The following CCSER1 variants were observed in gnomAD, a reference collection of about 807,000 sequenced individuals.
CCSER1 encodes the protein serine-rich coiled-coil domain-containing protein 1.
CCSER1 carries 41 observed loss-of-function variants against 82.0 expected under a neutral mutation model. The observed-to-expected ratio is 0.50, with a 90% CI of 0.39 to 0.65. CCSER1 has a LOEUF of 0.65. Ranked by LOEUF, CCSER1 falls within the 30% of genes least tolerant of loss-of-function variation. The probability of loss-of-function intolerance (pLI) is 0.00; values close to 1 mark genes in which losing one functional copy is unlikely to be tolerated. For missense variants in CCSER1, 1,119 were observed against 1,064.2 expected (o/e 1.05, Z -0.72); for synonymous variants, 414 against 383.9 (o/e 1.08, Z -0.92).
chr4:90,992,788 CT>C (rs1737155173), intron 9 of CCSER1, among the ~76,000 whole-genome samples: 1 of 151,910 alleles, frequency 6.6e-6, no homozygotes, highest in Non-Finnish European at 1.5e-5. Context: ...TGACTCTTTG[CT>C]TTCCCAAAGT....
At chr4:91,558,189 T>G (rs1328938249) in intron 10 of CCSER1, among the ~76,000 whole-genome samples, 1 of 151,478 alleles carries the variant, frequency 6.6e-6, no homozygotes, top group African/African-American at 2.4e-5. Context: ...AAAAGTTGTC[T>G]TATCCAAAGG....
intron 10 of CCSER1, among the ~76,000 whole-genome samples, chr4:91,533,492 A>G (rs1006186761): frequency 2.6e-5 from 4 of 152,190 alleles, no homozygotes; most frequent in Non-Finnish European, 5.9e-5. Context: ...ACGGTAGTTG[A>G]AATATGGATA....
chr4:91,048,225 A>G (rs1742682541), intron 9 of CCSER1, among the ~76,000 whole-genome samples: 1 of 151,978 alleles, frequency 6.6e-6, no homozygotes, highest in African/African-American at 2.4e-5. Context: ...ATACTATTTT[A>G]TGTATGAAAT....
At chr4:90,268,788 G>C (rs576432513) in intron 1 of CCSER1, among the ~76,000 whole-genome samples, 1 of 152,006 alleles carries the variant, frequency 6.6e-6, no homozygotes, top group African/African-American at 2.4e-5. Flanking sequence ...CAAACGATCT[G>C]TTGCCTACAA....
At chr4:90,155,754 C>T (rs1342661703) in intron 1 of CCSER1, among the ~76,000 whole-genome samples, 3 of 151,788 alleles carry the variant, frequency 2.0e-5, no homozygotes, top group Non-Finnish European at 2.9e-5. Context: ...TTATTTGATT[C>T]TTCTCTTTTT....
At chr4:90,377,274 G>T (rs1051100799) in intron 3 of CCSER1, among the ~76,000 whole-genome samples, 1 of 152,102 alleles carries the variant, frequency 6.6e-6, no homozygotes, top group Non-Finnish European at 1.5e-5. Context: ...TTAATGTGTT[G>T]TTAAAGCTAA....
chr4:90,724,688 G>GA (rs545845144), intron 7 of CCSER1: 9 of 355,798 alleles, frequency 2.5e-5, no homozygotes, highest in Middle Eastern at 4.2e-4. Context: ...AGAGCCTGAG[G>GA]AAAAAAACTT....
At chr4:91,378,930 T>C (rs1750654454) in intron 10 of CCSER1, among the ~76,000 whole-genome samples, 3 of 152,204 alleles carry the variant, frequency 2.0e-5, no homozygotes, top group Non-Finnish European at 4.4e-5. Flanking sequence ...GTCCCATCAA[T>C]ACCTAATTTA....
rs1240583017 is a variant in CCSER1, at chr4:91,013,546, A to AT, written c.2173-72403dup. ...TCTTTCTCAAGACATATATATATAT[A>AT]TATTTTTTTGCTAGTCTGTCTGTTT... On this transcript the variant is annotated intron_variant, in intron 9 of 10. Transcript: ENST00000509176. Among the ~76,000 whole-genome samples, 109 of 120,340 alleles carry AT rather than the reference A, an allele frequency of 9.1e-4. 10 individuals are homozygous for AT. The South Asian group carries it at 0.011, about 12-fold the overall frequency. The allele number at this position is 120,340 out of a possible 152,430, so 78.9% of individuals were successfully genotyped here. A position where few individuals can be genotyped will look rare whatever the true frequency, so the allele number is the denominator to read the frequency against.
At chr4:90,907,133 C>G (rs528171673) in intron 8 of CCSER1, among the ~76,000 whole-genome samples, 2 of 152,178 alleles carry the variant, frequency 1.3e-5, no homozygotes, top group South Asian at 4.2e-4. Flanking sequence ...AGACCTTTAC[C>G]ACAGGGCAAG....
intron 4 of CCSER1, among the ~76,000 whole-genome samples, chr4:90,402,253 A>G (rs1402177390): frequency 6.6e-6 from 1 of 152,212 alleles, no homozygotes; most frequent in African/African-American, 2.4e-5. Flanking sequence ...GGCAAATGCA[A>G]TTGACATTCT....
chr4:91,360,447 A>G (rs1749171876), intron 10 of CCSER1, among the ~76,000 whole-genome samples: 1 of 151,930 alleles, frequency 6.6e-6, no homozygotes, highest in Admixed American at 6.6e-5. Context: ...GGGTCCATAC[A>G]ACTGTACAAG....
At chr4:91,092,046 T>G (rs1433290438) in intron 10 of CCSER1, among the ~76,000 whole-genome samples, 1 of 152,158 alleles carries the variant, frequency 6.6e-6, no homozygotes, top group East Asian at 1.9e-4. Context: ...TCCTGTTTTC[T>G]TAGAGGGGGT....
chr4:90,710,659 T>A (rs2149322955), intron 6 of CCSER1, among the ~76,000 whole-genome samples: 1 of 152,280 alleles, frequency 6.6e-6, no homozygotes, highest in Non-Finnish European at 1.5e-5. Flanking sequence ...ATCTTATTTT[T>A]GAGTTCTCTC....
intron 7 of CCSER1, among the ~76,000 whole-genome samples, chr4:90,806,421 AG>A (rs1258986626): frequency 6.6e-6 from 1 of 151,726 alleles, no homozygotes; most frequent in Non-Finnish European, 1.5e-5. Context: ...GCCACAATAT[AG>A]GGAAATGTTC....
chr4:90,819,158 G>GGA (rs201904425), intron 8 of CCSER1, among the ~76,000 whole-genome samples: 3 of 151,918 alleles, frequency 2.0e-5, no homozygotes, highest in Admixed American at 1.3e-4. Context: ...ATGCACATAG[G>GGA]GAGAGAGAGA....
At position 90,939,584 on chromosome 4, in the gene CCSER1, G is replaced by T. The variant is rs72665443; in HGVS notation, c.2172+16137G>T. On this transcript the variant is annotated intron_variant, in intron 9 of 10. Transcript: ENST00000509176. ...GTTGTGGTCAGGGTTCAGGGCAATAGAAATGCCATAGAGCCAAGAAGAAGA... is the reference window on the plus strand; with the variant it reads ...GTTGTGGTCAGGGTTCAGGGCAATATAAATGCCATAGAGCCAAGAAGAAGA... Among the ~76,000 whole-genome samples the T allele has an allele frequency of 4.0e-3, 605 of 152,280 alleles. 3 individuals are homozygous for T. Among genetic ancestry groups the T allele is most frequent in the Non-Finnish European group, 5.8e-3 (395 of 68,012 alleles).
chr4:90,942,087 A>G (rs1004295550), intron 9 of CCSER1, among the ~76,000 whole-genome samples: 1 of 152,084 alleles, frequency 6.6e-6, no homozygotes, highest in South Asian at 2.1e-4. Context: ...AGCTGGGACT[A>G]GAGGCACACA....
chr4:90,753,473 A>G (rs1027743108), intron 7 of CCSER1, among the ~76,000 whole-genome samples: 26 of 152,150 alleles, frequency 1.7e-4, no homozygotes, highest in African/African-American at 5.8e-4. Flanking sequence ...ATAGAAATTC[A>G]TACTTGATTT....
Sources: gnomAD v4.1 joint callset for allele counts (sites outside exome capture counted in the v4.1 genomes callset) on GRCh38, gnomAD v4.1.1 for gene constraint, MANE v1.5 for transcripts, NCBI Gene and HGNC (gene_info 2026-07-23, HGNC 2026-07-21) for gene names.